CRTAC1: variants seen among roughly 807,000 people sequenced by gnomAD.
CRTAC1 encodes the protein cartilage acidic protein 1.
A neutral mutation model predicts 67.8 loss-of-function variants in CRTAC1; 37 were observed. The observed-to-expected ratio is 0.55, with a 90% CI of 0.42 to 0.72. The LOEUF (loss-of-function observed/expected upper bound fraction) is 0.72. Ranked by LOEUF, CRTAC1 falls within the 30% of genes least tolerant of loss-of-function variation. The pLI, the probability that CRTAC1 is intolerant of heterozygous loss-of-function variation, is 0.00. For synonymous variants in CRTAC1, 348 were observed against 371.0 expected (o/e 0.94, Z 0.71); for missense variants, 780 against 931.6 (o/e 0.84, Z 2.12).
chr10:97,956,203 C>T (rs1020127210), intron 2 of CRTAC1, among the ~76,000 whole-genome samples: 6 of 152,190 alleles, frequency 3.9e-5, no homozygotes, highest in South Asian at 2.1e-4. Context: ...AATTTTAGAA[C>T]GCATCCTAAT....
chr10:97,986,854 A>G (rs1286242665), intron 2 of CRTAC1, among the ~76,000 whole-genome samples: 1 of 152,192 alleles, frequency 6.6e-6, no homozygotes, highest in East Asian at 1.9e-4. Context: ...TCAGCGAGAG[A>G]TCTGCCCTCC....
At chr10:97,916,993 T>C (rs575374914) in intron 5 of CRTAC1, among the ~76,000 whole-genome samples, 33 of 152,172 alleles carry the variant, frequency 2.2e-4, no homozygotes, top group Non-Finnish European at 4.6e-4. Context: ...GAACAAGAAC[T>C]CAATTCTTTG....
intron 5 of CRTAC1, among the ~76,000 whole-genome samples, chr10:97,911,234 C>T (rs912546417): frequency 1.3e-5 from 2 of 152,254 alleles, no homozygotes; most frequent in African/African-American, 4.8e-5. Context: ...TCCGCTTCCA[C>T]ATCCTCCAAT....
At chr10:98,014,327 A>G (rs979841730) in intron 1 of CRTAC1, among the ~76,000 whole-genome samples, 6 of 152,176 alleles carry the variant, frequency 3.9e-5, no homozygotes. Flanking sequence ...TGCGTGTTAA[A>G]ATTTGAGAAA....
chr10:97,867,164 G>A (rs923776440), intron 14 of CRTAC1: 2 of 152,060 alleles, frequency 1.3e-5, no homozygotes, highest in Non-Finnish European at 2.9e-5. Context: ...GGCTCTTTAA[G>A]GCTTTGTAGG....
intron 2 of CRTAC1, among the ~76,000 whole-genome samples, chr10:97,963,945 C>T (rs1160367327): frequency 6.6e-6 from 1 of 152,188 alleles, no homozygotes; most frequent in Non-Finnish European, 1.5e-5. Context: ...TGTCTGTCTC[C>T]AGGACTCATA....
chr10:97,865,524 C>T lies in CRTAC1; in HGVS notation c.*24G>A, dbSNP rs370716747. ...TCCCACTCCCCTGCTGGACTCCATC[C>T]GCTGGTTCATGTCCCACCCCTGCTC... On this transcript the variant is annotated 3_prime_UTR_variant, in exon 15 of 15. Coordinates refer to ENST00000370597, the MANE Select transcript of CRTAC1 (RefSeq NM_018058.7). 350 of 1,587,438 alleles carry T rather than the reference C, an allele frequency of 2.2e-4. No homozygotes were observed. The highest frequency in any genetic ancestry group is 5.3e-4 in the South Asian group (46 of 87,274).
chr10:98,005,100 A>ATATATATTTTTTT, intron 2 of CRTAC1, among the ~76,000 whole-genome samples: 3 of 48,884 alleles, frequency 6.1e-5, no homozygotes, highest in African/African-American at 3.5e-4. Context: ...ATATATATAT[A>ATATATATTTTTTT]TTTTTTTTTT....
At chr10:97,994,416 T>C (rs148542047) in intron 2 of CRTAC1, among the ~76,000 whole-genome samples, 2 of 152,270 alleles carry the variant, frequency 1.3e-5, no homozygotes, top group African/African-American at 4.8e-5. Context: ...TTGTCTGATT[T>C]ATAAGCCATA....
At chr10:97,918,592 G>A (rs2050791564) in intron 4 of CRTAC1, among the ~76,000 whole-genome samples, 4 of 152,324 alleles carry the variant, frequency 2.6e-5, no homozygotes, top group East Asian at 3.9e-4. Flanking sequence ...CAAAGTCCCT[G>A]ACCGTAGGTT....
At chr10:97,918,817 T>G (rs1273654313) in intron 4 of CRTAC1, among the ~76,000 whole-genome samples, 1 of 151,886 alleles carries the variant, frequency 6.6e-6, no homozygotes, top group Admixed American at 6.6e-5. Flanking sequence ...TGGGTCTCAC[T>G]CTGTTGCCCT....
Position 98,030,102 on chromosome 10 carries a change from C to A in CRTAC1, c.24+347G>T, listed in dbSNP as rs12782947. 2.6e-5 allele frequency among the ~76,000 whole-genome samples: 4 copies of A among 152,152 alleles called. No homozygotes were observed. The highest frequency in any genetic ancestry group is 5.9e-5 in the Non-Finnish European group (4 of 68,008). ...GGCACATCCCTCCTCACCCGCTCCGCCCCCTCCAGGCCCCAGAGGCCCCCT... is the reference window on the plus strand; with the variant it reads ...GGCACATCCCTCCTCACCCGCTCCGACCCCTCCAGGCCCCAGAGGCCCCCT... On this transcript the variant is annotated intron_variant, in intron 1 of 14. Coordinates refer to ENST00000370597, the MANE Select transcript of CRTAC1 (RefSeq NM_018058.7). The surrounding 1 kb of genome is among the most constrained non-coding windows in gnomAD (Gnocchi z 4.2).
Position 97,895,546 on chromosome 10 carries a change from T to C in CRTAC1, c.1318-133A>G, listed in dbSNP as rs1227861610. ...GAAGAAAGCAGGCAGAGGAAAAAGA[T>C]AGAAACAGGAAGCCAAACAAGAAAA... On this transcript the variant is annotated intron_variant, in intron 10 of 14. Transcript: ENST00000370597. This position sits in a 1 kb window ranked among gnomAD's most constrained non-coding sequence, Gnocchi z 4.2. 7.4e-6 allele frequency: 6 copies of C among 813,420 alleles called. No homozygotes were observed. In the South Asian group the frequency reaches 8.9e-5, roughly 12 times the overall value. The allele number at this position is 813,420 out of a possible 1,614,324, so 50.4% of individuals were successfully genotyped here.
intron 11 of CRTAC1, among the ~76,000 whole-genome samples, chr10:97,894,739 T>C (rs528651783): frequency 4.6e-4 from 19 of 40,972 alleles, no homozygotes; most frequent in African/African-American, 1.6e-3. Context: ...TATATATATA[T>C]ATATATATAT....
At chr10:97,938,577 A>G (rs1032602710) in intron 2 of CRTAC1, among the ~76,000 whole-genome samples, 15 of 152,148 alleles carry the variant, frequency 9.9e-5, no homozygotes, top group African/African-American at 3.6e-4. Flanking sequence ...CGTGCTGCCT[A>G]TGATGCCAGC....
At chr10:97,903,168 G>A (rs572273045) in intron 7 of CRTAC1, among the ~76,000 whole-genome samples, 298 of 149,796 alleles carry the variant, frequency 2.0e-3, no homozygotes, top group Non-Finnish European at 3.0e-3. Flanking sequence ...GAATTAACAG[G>A]GTTCCTCACC....
intron 11 of CRTAC1, among the ~76,000 whole-genome samples, chr10:97,889,785 G>C (rs558265016): frequency 1.1e-4 from 16 of 152,166 alleles, no homozygotes; most frequent in Non-Finnish European, 1.9e-4. Flanking sequence ...AGGCAGGAAG[G>C]GGGCAGGGGC....
At chr10:97,921,286 G>T (rs1360708577) in intron 4 of CRTAC1, among the ~76,000 whole-genome samples, 2 of 152,170 alleles carry the variant, frequency 1.3e-5, no homozygotes, top group Non-Finnish European at 2.9e-5. Context: ...CCCAGGTAGG[G>T]GCTATGGGGC....
chr10:97,904,930 G>A (rs539576651), intron 6 of CRTAC1, 116 bp from the exon 7 acceptor site: 136 of 1,243,420 alleles, frequency 1.1e-4, no homozygotes, highest in African/African-American at 3.4e-4. Flanking sequence ...TCTTGTTCCC[G>A]GGAGGAGATA....
Sources: allele counts gnomAD v4.1 joint callset (sites outside exome capture counted in the v4.1 genomes callset), GRCh38; gene constraint gnomAD v4.1.1; non-coding constraint Gnocchi (gnomAD v3.1); transcripts MANE v1.5; gene names NCBI Gene and HGNC (gene_info 2026-07-23, HGNC 2026-07-21).